Variants in CEP290 observed in about 807,000 individuals in gnomAD.
CEP290 encodes centrosomal protein of 290 kDa.
Under a neutral mutation model 344.9 loss-of-function variants are expected in CEP290, and 317 were observed. The ratio of observed to expected loss-of-function variants is 0.92; its 90% confidence interval spans 0.84 to 1.01. CEP290 has a LOEUF of 1.01. Among genes scored for constraint, CEP290 ranks in the 50% least tolerant of loss-of-function variants. CEP290 has a pLI of 0.00. For missense variants in CEP290, 2,754 were observed against 2,761.4 expected, an observed-to-expected ratio of 1.00 and a Z score of 0.06; for synonymous variants, 932 against 895.8, an observed-to-expected ratio of 1.04 and a Z score of -0.72.
In CEP290 at chr12:88,139,162, G is replaced by T; in HGVS notation, c.280C>A (p.Leu94Met). The T allele has an allele frequency of 8.4e-7, 1 of 1,190,350 alleles. No individual in the cohort carries two copies. Among genetic ancestry groups the T allele is most frequent in the Non-Finnish European group, 1.1e-6 (1 of 870,006 alleles). 73.7% of individuals were successfully genotyped at this position (1,190,350 alleles called of 1,614,324 possible). ...AGACATACCTCCAGTTCATTTTCCA[G>T]TTTCATTACTTTAGTTTTTAATTGA... is the stretch of plus-strand genomic sequence containing the variant. The part of the protein sequence containing the change: ...ENQLKTKVMK[L>M]ENELEMAQQS... Residue 94 changes from leucine (L) to methionine (M), a missense_variant, in exon 5 of 54, where the codon CTG becomes ATG. Transcript: ENST00000552810.
At chr12:88,055,270 C>G (rs1029656491) in intron 50 of CEP290, among the ~76,000 whole-genome samples, 1 of 152,012 alleles carries the variant, frequency 6.6e-6, no homozygotes, top group Non-Finnish European at 1.5e-5. Context: ...TGCAGTTATT[C>G]AGGTATAAAA....
intron 44 of CEP290, among the ~76,000 whole-genome samples, chr12:88,065,385 A>T (rs931559025): frequency 4.6e-5 from 7 of 152,190 alleles, no homozygotes; most frequent in African/African-American, 1.4e-4. Flanking sequence ...GTCGTAGCAA[A>T]AAAAAGAAGA....
intron 50 of CEP290, 104 bp downstream of exon 50, chr12:88,055,472 G>T: frequency 1.0e-6 from 1 of 991,154 alleles, no homozygotes; most frequent in Non-Finnish European, 1.4e-6. Flanking sequence ...CAGTTAGATG[G>T]GTCTTCTTAA....
In CEP290 at chr12:88,079,065, G is replaced by A. The variant is rs1313112947; in HGVS notation, c.5364+27C>T. 2.0e-6 allele frequency: 3 copies of A among 1,506,290 alleles called. No individual in the cohort carries two copies. In the Admixed American group the frequency reaches 7.6e-5, roughly 38 times the overall value. The allele number at this position is 1,506,290 out of a possible 1,614,324, so 93.3% of individuals were successfully genotyped here. ...TCCAATAGGAATTATCAGAAATTTT[G>A]TTACATTAACACGTGTTGATGTTCA... On this transcript the variant is annotated intron_variant, in intron 39 of 53. Transcript: ENST00000552810.
rs1288982213 is a variant in CEP290, at chr12:88,140,898, A to G, written c.180+58T>C. 8.8e-6 allele frequency: 10 copies of G among 1,140,378 alleles called. No homozygotes were observed. In the East Asian group the frequency reaches 2.6e-4, roughly 30 times the overall value. 70.6% of individuals were successfully genotyped at this position (1,140,378 alleles called of 1,614,324 possible). On this transcript the variant is annotated intron_variant, in intron 3 of 53. Transcript: ENST00000552810. ...CACAAAGATTACCTTATATAAGAAC[A>G]GATTTTTATAGTTCCACTAATAGCC...
At chr12:88,119,123 AG>A (rs1367646855) in intron 15 of CEP290, among the ~76,000 whole-genome samples, 17 of 150,490 alleles carry the variant, frequency 1.1e-4, no homozygotes, top group Non-Finnish European at 1.5e-5. Context: ...CAAGTTGATC[AG>A]AAGTCTAATT....
At chr12:88,114,391 A>T in intron 20 of CEP290, 29 bp downstream of exon 20, 1 of 1,509,458 alleles carries the variant, frequency 6.6e-7, no homozygotes, top group Non-Finnish European at 8.8e-7. Context: ...TGATAGGGGA[A>T]AAACATTAAC....
intron 52 of CEP290, among the ~76,000 whole-genome samples, chr12:88,053,401 C>G (rs1379364094): frequency 1.3e-5 from 2 of 152,086 alleles, no homozygotes; most frequent in African/African-American, 4.8e-5. Context: ...GTGATTAAAT[C>G]TGTAACACCC....
chr12:88,114,504 T>C lies in CEP290; in HGVS notation c.1968A>G (p.Gln656=), dbSNP rs2038920205. Residue 656 remains glutamine (Q), a synonymous_variant, in exon 20 of 54, where the codon CAA becomes CAG. Transcript: ENST00000552810. ...QLEEGMKEIL[Q]AIKEMQKDPD... ...GATCTTTCTGCATTTCCTTAATTGCTTGCAATATTTCTTTCATACCTTCTT... is the reference window on the plus strand; with the variant it reads ...GATCTTTCTGCATTTCCTTAATTGCCTGCAATATTTCTTTCATACCTTCTT... The C allele has an allele frequency of 6.5e-7, 1 of 1,545,786 alleles. No individual in the cohort carries two copies. The highest frequency in any genetic ancestry group is 8.7e-7 in the Non-Finnish European group (1 of 1,144,044).
At chr12:88,135,418 C>G (rs1310662573) in intron 6 of CEP290, among the ~76,000 whole-genome samples, 1 of 152,036 alleles carries the variant, frequency 6.6e-6, no homozygotes, top group African/African-American at 2.4e-5. Context: ...TCCAGAAAAC[C>G]ACAGACATCC....
Position 88,071,939 on chromosome 12 carries a change from C to A in CEP290, c.5710-13G>T. 6.4e-7 allele frequency: 1 copy of A among 1,557,066 alleles called. No homozygotes were observed. Among genetic ancestry groups the A allele is most frequent in the South Asian group, 1.3e-5 (1 of 79,596 alleles). Reference sequence around the variant, plus strand: ...CTTCTTTAGCATTCTGTAACAATAACGAAGGAGGTAGGAAAATTACCAGTG... The same window carrying A: ...CTTCTTTAGCATTCTGTAACAATAAAGAAGGAGGTAGGAAAATTACCAGTG... On this transcript the variant is annotated splice_polypyrimidine_tract_variant and intron_variant, in intron 41 of 53. Coordinates refer to ENST00000552810, the MANE Select transcript of CEP290 (RefSeq NM_025114.4).
At chr12:88,122,026 ACACT>A (rs1442626269) in intron 13 of CEP290, among the ~76,000 whole-genome samples, 1 of 152,154 alleles carries the variant, frequency 6.6e-6, no homozygotes, top group African/African-American at 2.4e-5. Context: ...GATCATTCTC[ACACT>A]CATTCATTAT....
intron 9 of CEP290, 98 bp downstream of exon 9, chr12:88,130,170 C>T: frequency 1.7e-6 from 2 of 1,209,330 alleles, no homozygotes; most frequent in South Asian, 2.9e-5. Context: ...AGATTTATAC[C>T]AGGGAATTTA....
At chr12:88,111,642 TA>T (rs1353301011) in intron 21 of CEP290, 51 bp downstream of exon 21, 11 of 1,439,494 alleles carry the variant, frequency 7.6e-6, no homozygotes, top group Non-Finnish European at 1.0e-5. Context: ...AATTTCCTAT[TA>T]AATCTACATT....
rs2137340039 is a variant in CEP290, at chr12:88,092,666, C to T, written c.3461+15G>A. On this transcript the variant is annotated intron_variant, in intron 29 of 53. Coordinates refer to ENST00000552810, the MANE Select transcript of CEP290 (RefSeq NM_025114.4). Reference sequence around the variant, plus strand: ...TACATCTAGTCAAATGGCTAAAATGCTTATATGCACTTACTTTGACACTTC... The same window carrying T: ...TACATCTAGTCAAATGGCTAAAATGTTTATATGCACTTACTTTGACACTTC... 6.3e-7 allele frequency: 1 copy of T among 1,594,784 alleles called. No homozygotes were observed. The highest frequency in any genetic ancestry group is 8.5e-7 in the Non-Finnish European group (1 of 1,171,834).
At chr12:88,119,062 T>G (rs1027603271) in intron 15 of CEP290, among the ~76,000 whole-genome samples, 6 of 152,124 alleles carry the variant, frequency 3.9e-5, no homozygotes, top group African/African-American at 1.5e-4. Flanking sequence ...TCCAGATTCT[T>G]GGCTGTGATC....
Position 88,136,781 on chromosome 12 carries a change from A to C in CEP290, c.303T>G (p.Ala101=), listed in dbSNP as rs2040376122. 2 of 1,613,418 alleles carry C rather than the reference A, an allele frequency of 1.2e-6. No homozygotes were observed. The highest frequency in any genetic ancestry group is 1.7e-5 in the Admixed American group (1 of 59,894). The change falls in exon 6 of 54, where the codon GCT becomes GCG. Residue 101 remains alanine, a synonymous_variant. Transcript: ENST00000552810. ...TATCTCGTCCACCTGCAGACTGCTGAGCCATCTTAAAGTAATAAACCCAAA... is the reference window on the plus strand; with the variant it reads ...TATCTCGTCCACCTGCAGACTGCTGCGCCATCTTAAAGTAATAAACCCAAA... ...VMKLENELEM[A]QQSAGGRDTR...
At position 88,089,371 on chromosome 12, in the gene CEP290, C is replaced by A. The variant is rs2036842829; in HGVS notation, c.3690G>T (p.Lys1230Asn). Residue 1230 changes from lysine to asparagine, a missense_variant, in exon 31 of 54, where the codon AAG (lysine) becomes AAT (asparagine). By Grantham distance (94) the Lys-to-Asn change is moderately conservative. Transcript: ENST00000552810. ...CTAAGCGCAAGTTGTAGGCCTCCATCTTCTGCAGTTTAGATGTAATTGACT... is the reference window on the plus strand; with the variant it reads ...CTAAGCGCAAGTTGTAGGCCTCCATATTCTGCAGTTTAGATGTAATTGACT... Reference protein sequence around the residue: ...KLESITSKLQKMEAYNLRLEQ... With the variant: ...KLESITSKLQNMEAYNLRLEQ... 1 of 1,613,912 alleles carries A rather than the reference C, an allele frequency of 6.2e-7. No homozygotes were observed. Among genetic ancestry groups the A allele is most frequent in the African/African-American group, 1.3e-5 (1 of 75,026 alleles).
chr12:88,071,471 C>A, intron 42 of CEP290, 22 bp from the exon 43 acceptor site: 1 of 1,576,560 alleles, frequency 6.3e-7, no homozygotes, highest in Non-Finnish European at 8.6e-7. Flanking sequence ...AATATAGAAT[C>A]ATGAAATATA....
Sources: allele counts gnomAD v4.1 joint callset (sites outside exome capture counted in the v4.1 genomes callset), GRCh38; gene constraint gnomAD v4.1.1; transcripts MANE v1.5; gene names NCBI Gene and HGNC (gene_info 2026-07-23, HGNC 2026-07-21).